The following CNTNAP2 variants were observed in gnomAD, a reference collection of about 807,000 sequenced individuals.
CNTNAP2 encodes the protein contactin-associated protein-like 2.
Under a neutral mutation model 155.2 loss-of-function variants are expected in CNTNAP2, and 98 were observed. That is an observed-to-expected ratio of 0.63 (90% CI 0.54 to 0.75). CNTNAP2 has a LOEUF of 0.75. CNTNAP2 is among the 30% of genes least tolerant of loss of function. CNTNAP2 has a pLI of 0.00. For synonymous variants in CNTNAP2, 651 were observed against 631.2 expected (o/e 1.03, Z -0.47); for missense variants, 1,727 against 1,688.1 (o/e 1.02, Z -0.40).
intron 1 of CNTNAP2, among the ~76,000 whole-genome samples, chr7:146,281,196 T>G (rs2129084903): frequency 6.6e-6 from 1 of 152,298 alleles, no homozygotes; most frequent in Admixed American, 6.5e-5. Context: ...TTAAAACGAG[T>G]ACATTCCAAT....
intron 3 of CNTNAP2, among the ~76,000 whole-genome samples, chr7:146,930,388 T>C (rs1164706713): frequency 3.3e-5 from 5 of 152,040 alleles, no homozygotes; most frequent in African/African-American, 2.4e-5. Flanking sequence ...AAGCAAATGC[T>C]GAGAGATTTT....
At chr7:146,265,301 G>A (rs915761050) in intron 1 of CNTNAP2, among the ~76,000 whole-genome samples, 1 of 151,958 alleles carries the variant, frequency 6.6e-6, no homozygotes, top group Non-Finnish European at 1.5e-5. Flanking sequence ...AACATTTAAA[G>A]TGTTATAAAG....
intron 3 of CNTNAP2, among the ~76,000 whole-genome samples, chr7:146,874,054 T>G (rs1443581161): frequency 6.6e-6 from 1 of 151,892 alleles, no homozygotes; most frequent in East Asian, 1.9e-4. Flanking sequence ...GGTTTATTGG[T>G]GAAGGATCAA....
At chr7:146,886,290 AAG>A (rs1795658651) in intron 3 of CNTNAP2, among the ~76,000 whole-genome samples, 2 of 151,762 alleles carry the variant, frequency 1.3e-5, no homozygotes, top group South Asian at 2.1e-4. Flanking sequence ...AAAAAAAAGA[AAG>A]AAATATCTTT....
At chr7:147,256,454 C>A (rs1250101261) in intron 8 of CNTNAP2, among the ~76,000 whole-genome samples, 1 of 151,996 alleles carries the variant, frequency 6.6e-6, no homozygotes, top group Non-Finnish European at 1.5e-5. Context: ...GCATGATAAG[C>A]AATATGCGGG....
chr7:146,922,944 G>A (rs1053489986), intron 3 of CNTNAP2, among the ~76,000 whole-genome samples: 9 of 152,112 alleles, frequency 5.9e-5, no homozygotes, highest in Non-Finnish European at 1.3e-4. Context: ...TATTACTAGA[G>A]TAAAGACCAC....
At chr7:147,142,084 G>T (rs1801609782) in intron 8 of CNTNAP2, among the ~76,000 whole-genome samples, 1 of 152,032 alleles carries the variant, frequency 6.6e-6, no homozygotes, top group Non-Finnish European at 1.5e-5. Context: ...CTGCCTGATT[G>T]CCCTGGCCAG....
rs548255439 is a variant in CNTNAP2, at chr7:147,109,657, G to A, written c.754+1307G>A. ...TGTCATGTAAGATGAAGACAGAGAG[G>A]CAAATATTGGGCTTAACAACATGGA... is the stretch of plus-strand genomic sequence containing the variant. On this transcript the variant is annotated intron_variant, in intron 5 of 23. Coordinates refer to ENST00000361727, the MANE Select transcript of CNTNAP2 (RefSeq NM_014141.6). Among the ~76,000 whole-genome samples, 330 of 152,188 alleles carry A rather than the reference G, an allele frequency of 2.2e-3. 5 individuals are homozygous for A. The highest frequency in any genetic ancestry group is 7.0e-3 in the African/African-American group (292 of 41,540).
At chr7:146,777,104 A>T (rs764970457) in intron 2 of CNTNAP2, among the ~76,000 whole-genome samples, 22 of 152,144 alleles carry the variant, frequency 1.4e-4, no homozygotes, top group Non-Finnish European at 2.9e-4. Flanking sequence ...TGTGTGACCC[A>T]CAGTTCATCT....
At chr7:147,813,707 A>G (rs78693688) in intron 13 of CNTNAP2, among the ~76,000 whole-genome samples, 4,952 of 152,358 alleles carry the variant, frequency 0.033, 136 homozygotes, top group Non-Finnish European at 0.051. Context: ...CTCACTGAAC[A>G]GATGAAATTA....
intron 3 of CNTNAP2, among the ~76,000 whole-genome samples, chr7:146,898,778 G>A: frequency 6.6e-6 from 1 of 151,654 alleles, no homozygotes; most frequent in Non-Finnish European, 1.5e-5. Flanking sequence ...TTGAGTACAT[G>A]CAATGAAAAA....
chr7:146,954,598 A>AT (rs890417208), intron 3 of CNTNAP2, among the ~76,000 whole-genome samples: 58 of 151,072 alleles, frequency 3.8e-4, no homozygotes, highest in African/African-American at 1.3e-3. Flanking sequence ...ACTTTTAAAT[A>AT]TTTTTTTTCC....
intron 12 of CNTNAP2, among the ~76,000 whole-genome samples, chr7:147,567,494 C>T (rs1036586188): frequency 4.6e-5 from 7 of 152,104 alleles, no homozygotes; most frequent in Non-Finnish European, 8.8e-5. Flanking sequence ...GAAACAAGTT[C>T]GAAAGCCCCC....
chr7:146,128,238 T>C (rs1281167475), intron 1 of CNTNAP2, among the ~76,000 whole-genome samples: 1 of 152,170 alleles, frequency 6.6e-6, no homozygotes, highest in Non-Finnish European at 1.5e-5. Context: ...TTAGTAAACA[T>C]GTTTCATCAT....
chr7:147,141,561 C>T (rs898914018), intron 8 of CNTNAP2, among the ~76,000 whole-genome samples: 1 of 151,832 alleles, frequency 6.6e-6, no homozygotes, highest in African/African-American at 2.4e-5. Context: ...TAAAAAAAAA[C>T]ACAGGAATAG....
intron 1 of CNTNAP2, among the ~76,000 whole-genome samples, chr7:146,299,099 C>T (rs1800561869): frequency 6.6e-6 from 1 of 151,842 alleles, no homozygotes; most frequent in Admixed American, 6.6e-5. Flanking sequence ...TGGTGAAACC[C>T]CATCTCTACT....
chr7:146,352,748 C>CTTTTTTTTTTT (rs1201897985), intron 1 of CNTNAP2, among the ~76,000 whole-genome samples: 31 of 66,184 alleles, frequency 4.7e-4, no homozygotes, highest in African/African-American at 2.2e-3. Flanking sequence ...TAGCATAATT[C>CTTTTTTTTTTT]TGTTTTTTTT....
intron 11 of CNTNAP2, among the ~76,000 whole-genome samples, chr7:147,514,500 C>A (rs1416784820): frequency 6.6e-6 from 1 of 151,440 alleles, no homozygotes; most frequent in Non-Finnish European, 1.5e-5. Flanking sequence ...GAAAACTATT[C>A]TAATGAGGAC....
At chr7:146,200,364 C>T (rs1483412259) in intron 1 of CNTNAP2, among the ~76,000 whole-genome samples, 2 of 151,904 alleles carry the variant, frequency 1.3e-5, no homozygotes, top group Admixed American at 6.6e-5. Context: ...CATGGTGGTA[C>T]GTGCCTGTAG....
Sources: gnomAD v4.1 joint callset for allele counts (sites outside exome capture counted in the v4.1 genomes callset) on GRCh38, gnomAD v4.1.1 for gene constraint, MANE v1.5 for transcripts, NCBI Gene and HGNC (gene_info 2026-07-23, HGNC 2026-07-21) for gene names.